ZNF804A: variants seen among roughly 807,000 people sequenced by gnomAD.
ZNF804A encodes zinc finger protein 804A.
Under a neutral mutation model 16.5 loss-of-function variants are expected in ZNF804A, and 2 were observed. That is an observed-to-expected ratio of 0.12 (90% confidence interval 0.05 to 0.38). The LOEUF is 0.38. Among genes scored for constraint, ZNF804A ranks in the 10% least tolerant of loss-of-function variants. ZNF804A has a pLI of 0.99. For missense variants in ZNF804A, 1,473 were observed against 1,390.7 expected (o/e 1.06, Z -0.94); for synonymous variants, 534 against 489.6 (o/e 1.09, Z -1.20).
chr2:184,800,429 T>C (rs1694705812), intron 1 of ZNF804A, among the ~76,000 whole-genome samples: 1 of 151,692 alleles, frequency 6.6e-6, no homozygotes, highest in Admixed American at 6.6e-5. Context: ...CATTCAATAC[T>C]ATATATTTAC....
rs1276541237 is a variant in ZNF804A at position 184,714,797 on chromosome 2, A to G, written c.111+115727A>G. Among the ~76,000 whole-genome samples, 7 of 152,294 alleles carry G rather than the reference A, an allele frequency of 4.6e-5. No homozygotes were observed. In the East Asian group the frequency reaches 9.7e-4, roughly 21 times the overall value. On this transcript the variant is annotated intron_variant, in intron 1 of 3. Coordinates refer to ENST00000302277, the MANE Select transcript of ZNF804A (RefSeq NM_194250.2). ...ACATGTACACAACAATATCTAATTC[A>G]TAGTTTTGGAGAATATTTTAAGACA...
intron 1 of ZNF804A, among the ~76,000 whole-genome samples, chr2:184,865,272 A>C (rs912835235): frequency 2.6e-5 from 4 of 151,958 alleles, no homozygotes; most frequent in African/African-American, 4.8e-5. Context: ...GGTCTTCTTC[A>C]CATCATGAAT....
intron 1 of ZNF804A, among the ~76,000 whole-genome samples, chr2:184,612,033 C>A (rs1174400268): frequency 1.3e-5 from 2 of 152,004 alleles, no homozygotes; most frequent in Non-Finnish European, 1.5e-5. Context: ...TTTCTTAAAC[C>A]TTTTATGATT....
At chr2:184,715,623 A>C (rs1188407252) in intron 1 of ZNF804A, among the ~76,000 whole-genome samples, 3 of 151,444 alleles carry the variant, frequency 2.0e-5, no homozygotes, top group Non-Finnish European at 2.9e-5. Context: ...CTTATCTTGA[A>C]CTCCAGAGCT....
chr2:184,707,471 T>C (rs1224270770), intron 1 of ZNF804A, among the ~76,000 whole-genome samples: 1 of 152,122 alleles, frequency 6.6e-6, no homozygotes, highest in East Asian at 1.9e-4. Context: ...ATTCAGTGTG[T>C]ATTATTGCCA....
intron 2 of ZNF804A, among the ~76,000 whole-genome samples, chr2:184,915,205 T>A (rs1327130886): frequency 6.6e-6 from 1 of 152,092 alleles, no homozygotes; most frequent in Non-Finnish European, 1.5e-5. Flanking sequence ...ATCTTGTATA[T>A]TTTCTGGCAT....
chr2:184,804,815 C>G (rs1260956952), intron 1 of ZNF804A, among the ~76,000 whole-genome samples: 1 of 152,088 alleles, frequency 6.6e-6, no homozygotes, highest in African/African-American at 2.4e-5. Flanking sequence ...CGTTATACAG[C>G]AACAGGAAGA....
chr2:184,895,424 G>C (rs1243944036), intron 2 of ZNF804A, among the ~76,000 whole-genome samples: 1 of 152,118 alleles, frequency 6.6e-6, no homozygotes, highest in Admixed American at 6.5e-5. Flanking sequence ...CATGCTCTCT[G>C]ATATGCAGAT....
chr2:184,599,907 T>G (rs912458206), intron 1 of ZNF804A, among the ~76,000 whole-genome samples: 18 of 152,208 alleles, frequency 1.2e-4, no homozygotes, highest in African/African-American at 4.3e-4. Context: ...CCTGCAGAAC[T>G]GACTTTCATG....
At chr2:184,825,335 A>G (rs911155414) in intron 1 of ZNF804A, among the ~76,000 whole-genome samples, 1 of 152,222 alleles carries the variant, frequency 6.6e-6, no homozygotes, top group African/African-American at 2.4e-5. Flanking sequence ...AAGTTTATAT[A>G]TCAGAATTTG....
chr2:184,695,952 A>G (rs948990614), intron 1 of ZNF804A, among the ~76,000 whole-genome samples: 1 of 152,124 alleles, frequency 6.6e-6, no homozygotes, highest in African/African-American at 2.4e-5. Flanking sequence ...TTTATATATT[A>G]TCTATAAATC....
chr2:184,648,111 G>A (rs13021843), intron 1 of ZNF804A, among the ~76,000 whole-genome samples: 85,487 of 151,858 alleles, frequency 0.56, 25,064 homozygotes, highest in African/African-American at 0.69. Context: ...ATAATTTTAA[G>A]AAAAGAAAAG....
At chr2:184,707,095 A>C (rs573700602) in intron 1 of ZNF804A, among the ~76,000 whole-genome samples, 1 of 152,144 alleles carries the variant, frequency 6.6e-6, no homozygotes, top group East Asian at 1.9e-4. Flanking sequence ...ACTTGTATTG[A>C]CTCATTAGGA....
At chr2:184,884,513 A>T (rs1017748385) in intron 2 of ZNF804A, among the ~76,000 whole-genome samples, 1 of 152,156 alleles carries the variant, frequency 6.6e-6, no homozygotes, top group African/African-American at 2.4e-5. Context: ...CTTAAAAAAA[A>T]AATCAAAGCT....
intron 1 of ZNF804A, among the ~76,000 whole-genome samples, chr2:184,831,316 T>C (rs1695259287): frequency 6.6e-6 from 1 of 152,074 alleles, no homozygotes; most frequent in Non-Finnish European, 1.5e-5. Flanking sequence ...TGTGTGTGTG[T>C]GTCTTTTTTC....
intron 1 of ZNF804A, among the ~76,000 whole-genome samples, chr2:184,604,673 A>C (rs1464300790): frequency 6.6e-6 from 1 of 152,172 alleles, no homozygotes; most frequent in Non-Finnish European, 1.5e-5. Context: ...TTCTGTTGCT[A>C]TGTAGGCTAT....
intron 1 of ZNF804A, among the ~76,000 whole-genome samples, chr2:184,827,772 G>A (rs2105793926): frequency 6.6e-6 from 1 of 151,530 alleles, no homozygotes; most frequent in African/African-American, 2.4e-5. Context: ...GTTGAGTGGT[G>A]TTTCATTTTA....
intron 1 of ZNF804A, among the ~76,000 whole-genome samples, chr2:184,733,458 T>A (rs1222263268): frequency 6.6e-6 from 1 of 152,146 alleles, no homozygotes; most frequent in Non-Finnish European, 1.5e-5. Context: ...TTTTTACATT[T>A]CTGTCCATGA....
intron 1 of ZNF804A, among the ~76,000 whole-genome samples, chr2:184,666,252 G>A (rs191571768): frequency 1.3e-4 from 20 of 151,896 alleles, no homozygotes; most frequent in African/African-American, 3.4e-4. Context: ...TTTTAATATC[G>A]TATATCATAT....
Sources: gnomAD v4.1 joint callset for allele counts (sites outside exome capture counted in the v4.1 genomes callset) on GRCh38, gnomAD v4.1.1 for gene constraint, MANE v1.5 for transcripts, NCBI Gene and HGNC (gene_info 2026-07-23, HGNC 2026-07-21) for gene names.